Variants in KIAA1210 observed in about 807,000 individuals in gnomAD.
The protein encoded by KIAA1210 is KIAA1210, also known as acrosomal protein KIAA1210.
In KIAA1210, 48 loss-of-function variants were observed where a neutral mutation model predicts 78.9. That is an observed-to-expected ratio of 0.61 (90% CI 0.48 to 0.77). The LOEUF (loss-of-function observed/expected upper bound fraction) is 0.77. Ranked by LOEUF, KIAA1210 falls within the 30% of genes least tolerant of loss-of-function variation. The probability of loss-of-function intolerance (pLI) is 0.00; values close to 1 mark genes in which losing one functional copy is unlikely to be tolerated. For synonymous variants in KIAA1210, 406 were observed against 404.5 expected, an observed-to-expected ratio of 1.00 and a Z score of -0.04; for missense variants, 1,108 against 1,100.0, an observed-to-expected ratio of 1.01 and a Z score of -0.10.
chrX:119,110,346 A>T (rs1368966987), intron 3 of KIAA1210, among the ~76,000 whole-genome samples: 1 of 112,326 alleles, frequency 8.9e-6, no homozygotes, highest in African/African-American at 3.2e-5. Context: ...TTGATAGAAG[A>T]TATCTGTGAC....
intron 5 of KIAA1210, 29 bp from the exon 6 acceptor site, chrX:119,105,176 T>G (rs759371094): frequency 3.5e-5 from 40 of 1,155,647 alleles, no homozygotes; most frequent in Non-Finnish European, 4.5e-5. Context: ...GAAGGAACAA[T>G]TTAAAACCTG....
Position 119,108,370 on chromosome X carries a change from A to C in KIAA1210, c.459T>G (p.Ser153Arg). ...TCTTGGGGCCAGCAACCCAGACTGC[A>C]CTTGTAGGCACATTTTGAAGCACAG... ...SGAVLQNVPT[S>R]AVWVAGPKIT... Residue 153 changes from serine to arginine, a missense_variant, in exon 5 of 12, where the codon AGT (serine) becomes AGG (arginine). Transcript: ENST00000691062. 1 of 1,210,672 alleles carries C rather than the reference A, an allele frequency of 8.3e-7. No homozygotes were observed. The highest frequency in any genetic ancestry group is 1.1e-6 in the Non-Finnish European group (1 of 895,010).
At chrX:119,143,612 C>T (rs1929100226) in intron 2 of KIAA1210, among the ~76,000 whole-genome samples, 1 of 112,403 alleles carries the variant, frequency 8.9e-6, no homozygotes, top group South Asian at 3.7e-4. Context: ...CTTTCCTCTT[C>T]TCCAGAAAGG....
Position 119,116,640 on chromosome X carries a change from G to C in KIAA1210, c.86C>G (p.Ala29Gly). ...CTTCTTAACAAAAAAGCTCTTAAGG[G>C]CTTTAAATTTGCATTTCTTCTTTCC... ...DEGKKKCKFK[A>G]LKSFFVKKKE... The change falls in exon 3 of 12, where the codon GCC (alanine) becomes GGC (glycine). Residue 29 changes from alanine (A) to glycine (G), a missense_variant. By Grantham distance (60) the Ala-to-Gly change is moderately conservative. Coordinates refer to ENST00000691062, the MANE Select transcript of KIAA1210 (RefSeq NM_001394962.1). The C allele has an allele frequency of 1.7e-6, 2 of 1,203,581 alleles. No individual in the cohort carries two copies. The highest frequency in any genetic ancestry group is 2.2e-6 in the Non-Finnish European group (2 of 890,957).
At chrX:119,117,350 C>T (rs1208624618) in intron 2 of KIAA1210, among the ~76,000 whole-genome samples, 1 of 99,260 alleles carries the variant, frequency 1.0e-5, no homozygotes, top group Admixed American at 1.1e-4. Flanking sequence ...AAATCAGATA[C>T]CAAAGAGTTT....
rs780516514 is a variant in KIAA1210 at position 119,127,321 on chromosome X, GTAGAAGA to G, written c.-11+399_-11+405del. Among the ~76,000 whole-genome samples, 18 of 108,259 alleles carry G rather than the reference GTAGAAGA, an allele frequency of 1.7e-4. 1 individual carries two copies. In the South Asian group the frequency reaches 7.3e-3, roughly 44 times the overall value. 94.0% of individuals were successfully genotyped at this position (108,259 alleles called of 115,157 possible). A position where few individuals can be genotyped will look rare whatever the true frequency, so the allele number is the denominator to read the frequency against. On this transcript the variant is annotated intron_variant, in intron 1 of 11. Coordinates refer to ENST00000691062, the MANE Select transcript of KIAA1210 (RefSeq NM_001394962.1). The stretch of plus-strand genomic sequence containing the variant: ...TGTCATTGACCTACCACTGTCAAGT[GTAGAAGA>G]TAGAAAGGGAAAAAAAAAACACTAA...
chrX:119,086,611 T>C lies in KIAA1210; in HGVS notation c.4091A>G (p.Asp1364Gly), dbSNP rs1312684255. The C allele has an allele frequency of 8.3e-7, 1 of 1,211,081 alleles. No individual in the cohort carries two copies. The highest frequency in any genetic ancestry group is 1.8e-5 in the South Asian group (1 of 56,793). Residue 1364 changes from aspartate to glycine, a missense_variant, in exon 9 of 12, where the codon GAT (aspartate) becomes GGT (glycine). This residue lies in a region of KIAA1210 where 245 missense variants were observed against 278.8 expected (regional missense o/e 0.88). Transcript: ENST00000691062. ...GNLTKISYVADKQQSRPKSES... is the reference protein window; with the variant it reads ...GNLTKISYVAGKQQSRPKSES... ...AGATTTGGGCCTGCTCTGTTGCTTA[T>C]CTGCAACGTAAGATATTTTGGTGAG...
intron 6 of KIAA1210, among the ~76,000 whole-genome samples, chrX:119,097,883 T>C (rs940020211): frequency 8.9e-6 from 1 of 111,869 alleles, no homozygotes; most frequent in African/African-American, 3.2e-5. Context: ...GATCCCAAGA[T>C]TTCCTTTACT....
upstream of KIAA1210, among the ~76,000 whole-genome samples, chrX:119,128,089 G>A (rs369104552): frequency 2.7e-5 from 3 of 111,075 alleles, no homozygotes; most frequent in East Asian, 5.6e-4. Flanking sequence ...AAGTTAACCT[G>A]AGCAGAATTG....
intron 2 of KIAA1210, among the ~76,000 whole-genome samples, chrX:119,144,609 T>C (rs1371505502): frequency 1.8e-5 from 2 of 112,114 alleles, no homozygotes; most frequent in Non-Finnish European, 3.8e-5. Flanking sequence ...GCCTCTGAAG[T>C]GGCCTTTAAA....
intron 3 of KIAA1210, among the ~76,000 whole-genome samples, chrX:119,115,465 G>A (rs760740208): frequency 5.4e-5 from 6 of 111,569 alleles, no homozygotes; most frequent in Non-Finnish European, 1.1e-4. Context: ...TTTCAAAACC[G>A]TCTGCCCTAC....
At position 119,081,335 on chromosome X, in the gene KIAA1210, C is replaced by T. The variant is rs1289591543; in HGVS notation, c.4596G>A (p.Thr1532=). 4 of 1,184,035 alleles carry T rather than the reference C, an allele frequency of 3.4e-6. No individual in the cohort carries two copies. In the African/African-American group the frequency reaches 5.4e-5, roughly 16 times the overall value. The change falls in exon 12 of 12, where the codon ACG becomes ACA. Residue 1532 remains threonine (T), a synonymous_variant. Coordinates refer to ENST00000691062, the MANE Select transcript of KIAA1210 (RefSeq NM_001394962.1). ...TGCTCCACACAAGAGCTCTTTATTG[C>T]GTGATTTCTGCCATGTGGCTCCATG... The part of the protein sequence containing the change: ...AKAWSHMAEI[T]Q
upstream of KIAA1210, among the ~76,000 whole-genome samples, chrX:119,132,747 G>A (rs1318368811): frequency 9.0e-6 from 1 of 111,042 alleles, no homozygotes; most frequent in Non-Finnish European, 1.9e-5. Flanking sequence ...CCTCCTGCCT[G>A]AGCCTCTTGA....
At chrX:119,115,098 G>T (rs1347331779) in intron 3 of KIAA1210, among the ~76,000 whole-genome samples, 4 of 111,494 alleles carry the variant, frequency 3.6e-5, no homozygotes, top group Non-Finnish European at 7.5e-5. Context: ...GAAAAAAGCT[G>T]ATCTCCCTTC....
At chrX:119,150,196 A>G in intron 1 of KIAA1210, 3 of 934,768 alleles carry the variant, frequency 3.2e-6, no homozygotes, top group Non-Finnish European at 4.4e-6. Context: ...TGTCTGTTAT[A>G]TAAACATCAC....
rs976750747 is a variant in KIAA1210 at position 119,082,196 on chromosome X, G to A, written c.4427-692C>T. 4.5e-5 allele frequency among the ~76,000 whole-genome samples: 5 copies of A among 112,261 alleles called. No individual in the cohort carries two copies. The East Asian group carries it at 1.4e-3, about 31-fold the overall frequency. On this transcript the variant is annotated intron_variant, in intron 11 of 11. Transcript: ENST00000691062. ...ATGAATTAGAATCTCTAAGGATGGA[G>A]CCAGGACCATCTGTAATTTTTTAAA...
chrX:119,126,426 A>T (rs1928648568), intron 1 of KIAA1210, among the ~76,000 whole-genome samples: 1 of 112,486 alleles, frequency 8.9e-6, no homozygotes, highest in Non-Finnish European at 1.9e-5. Context: ...TAATAAACCC[A>T]ATTTGTTCAA....
intron 2 of KIAA1210, among the ~76,000 whole-genome samples, chrX:119,137,195 A>G (rs1262358844): frequency 8.9e-6 from 1 of 112,531 alleles, no homozygotes; most frequent in Non-Finnish European, 1.9e-5. Context: ...CCTATGAGGT[A>G]GGTACTAGTT....
In KIAA1210 at chrX:119,080,611, G is replaced by T. The variant is rs41301489; in HGVS notation, c.*718C>A. Reference sequence around the variant, plus strand: ...ATTACTTTATTTGGTTGAGGGAAATGACAATTTTCTAGTTGCTCCAACAAA... The same window carrying T: ...ATTACTTTATTTGGTTGAGGGAAATTACAATTTTCTAGTTGCTCCAACAAA... On this transcript the variant is annotated 3_prime_UTR_variant, in exon 12 of 12. Coordinates refer to ENST00000691062, the MANE Select transcript of KIAA1210 (RefSeq NM_001394962.1). 5 of 112,232 alleles carry T rather than the reference G, an allele frequency of 4.5e-5. No homozygotes were observed. The highest frequency in any genetic ancestry group is 7.5e-5 in the Non-Finnish European group (4 of 53,293). The allele number at this position is 112,232 out of a possible 1,213,427, so 9.2% of individuals were successfully genotyped here.
Sources: gnomAD v4.1 joint callset for allele counts (sites outside exome capture counted in the v4.1 genomes callset) on GRCh38, gnomAD v4.1.1 for gene constraint, gnomAD v4.1.1 regional missense constraint, MANE v1.5 for transcripts, NCBI Gene and HGNC (gene_info 2026-07-23, HGNC 2026-07-21) for gene names.